Variants in PDK1 observed in about 807,000 individuals in gnomAD.
PDK1 encodes [Pyruvate dehydrogenase (acetyl-transferring)] kinase isozyme 1, mitochondrial.
A neutral mutation model predicts 54.2 loss-of-function variants in PDK1; 39 were observed. That is an observed-to-expected ratio of 0.72 (90% CI 0.56 to 0.94). The LOEUF is 0.94. Among genes scored for constraint, PDK1 ranks in the 40% least tolerant of loss-of-function variants. PDK1 has a pLI of 0.00. For synonymous variants in PDK1, 221 were observed against 207.1 expected, an observed-to-expected ratio of 1.07 and a Z score of -0.58; for missense variants, 552 against 566.0, an observed-to-expected ratio of 0.98 and a Z score of 0.25.
At chr2:172,668,286 T>A in the PDK1 span, among the ~76,000 whole-genome samples, 4 of 151,730 alleles carry the variant, frequency 2.6e-5, no homozygotes, top group East Asian at 3.9e-4. Context: ...TTATTTTTTT[T>A]TTTTTTTGGC....
chr2:172,570,647 A>G (rs1689196050), intron 7 of PDK1, 79 bp from the exon 8 acceptor site: 3 of 688,710 alleles, frequency 4.4e-6, no homozygotes, highest in African/African-American at 3.7e-5. Context: ...AAAACTTCAA[A>G]TAGTGCATAT....
chr2:172,629,620 C>T, the PDK1 span, among the ~76,000 whole-genome samples: 1 of 152,154 alleles, frequency 6.6e-6, no homozygotes, highest in African/African-American at 2.4e-5. Flanking sequence ...TTCGTGTGAC[C>T]TGATTCTTCC....
the PDK1 span, among the ~76,000 whole-genome samples, chr2:172,703,208 G>C: frequency 6.6e-6 from 1 of 152,082 alleles, no homozygotes; most frequent in African/African-American, 2.4e-5. Flanking sequence ...GCAACCACTG[G>C]GAGTTGAGTT....
At chr2:172,718,838 G>T in the PDK1 span, among the ~76,000 whole-genome samples, 1 of 152,230 alleles carries the variant, frequency 6.6e-6, no homozygotes. Context: ...TTATTTTTGT[G>T]AAGTATATGT....
chr2:172,580,969 A>T (rs1159301408), intron 8 of PDK1, among the ~76,000 whole-genome samples: 1 of 152,218 alleles, frequency 6.6e-6, no homozygotes, highest in African/African-American at 2.4e-5. Context: ...TAAAGGAGCT[A>T]GGGTTTCTTT....
the PDK1 span, among the ~76,000 whole-genome samples, chr2:172,650,240 G>A: frequency 2.0e-5 from 3 of 152,060 alleles, no homozygotes; most frequent in Non-Finnish European, 4.4e-5. Flanking sequence ...GCCAAATTAA[G>A]CTTCATAAGG....
At chr2:172,639,365 G>A in the PDK1 span, among the ~76,000 whole-genome samples, 2 of 152,152 alleles carry the variant, frequency 1.3e-5, no homozygotes, top group Non-Finnish European at 2.9e-5. Flanking sequence ...TCTGGCTAAT[G>A]GAGTCCCTGT....
the PDK1 span, among the ~76,000 whole-genome samples, chr2:172,656,599 A>G: frequency 2.9e-4 from 44 of 152,306 alleles, no homozygotes; most frequent in Admixed American, 8.5e-4. Flanking sequence ...CAAAGCCTCT[A>G]GTATATTGCA....
chr2:172,686,079 T>C, the PDK1 span, among the ~76,000 whole-genome samples: 1 of 152,214 alleles, frequency 6.6e-6, no homozygotes, highest in African/African-American at 2.4e-5. Context: ...GTTTCACCAC[T>C]GAAGTGCTAT....
At chr2:172,687,334 AG>A in the PDK1 span, among the ~76,000 whole-genome samples, 2 of 151,052 alleles carry the variant, frequency 1.3e-5, no homozygotes, top group Admixed American at 6.6e-5. Flanking sequence ...TTATTTAAGA[AG>A]TTTTTTTTTT....
At chr2:172,708,816 G>A in the PDK1 span, among the ~76,000 whole-genome samples, 1 of 152,220 alleles carries the variant, frequency 6.6e-6, no homozygotes, top group Non-Finnish European at 1.5e-5. Context: ...TGGGAATGCT[G>A]AATAAACTAG....
the PDK1 span, among the ~76,000 whole-genome samples, chr2:172,681,432 C>T: frequency 6.6e-6 from 1 of 152,232 alleles, no homozygotes; most frequent in African/African-American, 2.4e-5. Context: ...ACTTGGCATG[C>T]AGCTGAGAGG....
Position 172,603,722 on chromosome 2 carries a change from G to A in PDK1, c.*7753G>A, listed in dbSNP as rs951685176. On this transcript the variant is annotated 3_prime_UTR_variant, in exon 11 of 11. Coordinates refer to ENST00000282077, the MANE Select transcript of PDK1 (RefSeq NM_002610.5). ...ATGTCGATGTGGATCTAGTCTCCAGGGTTAGATCCAGGCAGGTAACATCAA... is the reference window on the plus strand; with the variant it reads ...ATGTCGATGTGGATCTAGTCTCCAGAGTTAGATCCAGGCAGGTAACATCAA... 3 of 152,158 alleles carry A rather than the reference G, an allele frequency of 2.0e-5. No homozygotes were observed. The highest frequency in any genetic ancestry group is 7.2e-5 in the African/African-American group (3 of 41,436). 9.4% of individuals were successfully genotyped at this position (152,158 alleles called of 1,614,324 possible). A position where few individuals can be genotyped will look rare whatever the true frequency, so the allele number is the denominator to read the frequency against.
chr2:172,564,454 A>T, intron 3 of PDK1, 49 bp from the exon 4 acceptor site: 1 of 1,465,546 alleles, frequency 6.8e-7, no homozygotes, highest in Admixed American at 1.8e-5. Flanking sequence ...TTTTGTATTA[A>T]GTTTACTTGT....
intron 9 of PDK1, among the ~76,000 whole-genome samples, chr2:172,592,401 C>T (rs923501889): frequency 6.6e-6 from 1 of 151,942 alleles, no homozygotes; most frequent in African/African-American, 2.4e-5. Context: ...CTCTGACTCC[C>T]TCTTTGTCCC....
In PDK1 at chr2:172,571,502, TG is replaced by T. The variant is rs1689256617; in HGVS notation, c.945+679del. ...CCATGGCTTCCAGAGTAACTGGGACTGCAGGCTGCAGGCATGCAAGCCTGGC... is the reference window on the plus strand; with the variant it reads ...CCATGGCTTCCAGAGTAACTGGGACTCAGGCTGCAGGCATGCAAGCCTGGC... On this transcript the variant is annotated intron_variant, in intron 8 of 10. Transcript: ENST00000282077. 1.3e-5 allele frequency among the ~76,000 whole-genome samples: 2 copies of T among 152,194 alleles called. 1 individual carries two copies. Among genetic ancestry groups the T allele is most frequent in the South Asian group, 4.1e-4 (2 of 4,832 alleles).
chr2:172,591,583 C>G (rs1485163509), intron 9 of PDK1, among the ~76,000 whole-genome samples: 1 of 152,110 alleles, frequency 6.6e-6, no homozygotes, highest in Non-Finnish European at 1.5e-5. Context: ...ACTGGCTGTT[C>G]CGGTTCCTGT....
At chr2:172,567,908 T>G (rs1410991031) in intron 6 of PDK1, among the ~76,000 whole-genome samples, 1 of 152,240 alleles carries the variant, frequency 6.6e-6, no homozygotes, top group Non-Finnish European at 1.5e-5. Context: ...TCCTATTAAG[T>G]GTTTAAATGT....
chr2:172,715,631 A>G, the PDK1 span, among the ~76,000 whole-genome samples: 1 of 152,218 alleles, frequency 6.6e-6, no homozygotes, highest in Admixed American at 6.5e-5. Context: ...CACAGAATGG[A>G]CAGTGAACAG....
Sources: gnomAD v4.1 joint callset for allele counts (sites outside exome capture counted in the v4.1 genomes callset) on GRCh38, gnomAD v4.1.1 for gene constraint, MANE v1.5 for transcripts, NCBI Gene and HGNC (gene_info 2026-07-23, HGNC 2026-07-21) for gene names.